BBS7: variants seen among roughly 807,000 people sequenced by gnomAD.
The protein encoded by BBS7 is Bardet-Biedl syndrome 7, also known as BBSome complex member BBS7.
Under a neutral mutation model 90.3 loss-of-function variants are expected in BBS7, and 50 were observed. The observed-to-expected ratio is 0.55, with a 90% CI of 0.44 to 0.70. The LOEUF is 0.70. Among genes scored for constraint, BBS7 ranks in the 30% least tolerant of loss-of-function variants. BBS7 has a pLI of 0.00. For missense variants in BBS7, 729 were observed against 838.9 expected (o/e 0.87, Z 1.62); for synonymous variants, 235 against 287.4 (o/e 0.82, Z 1.85).
intron 8 of BBS7, 82 bp downstream of exon 8, chr4:121,852,874 C>G: frequency 7.3e-7 from 1 of 1,378,110 alleles, no homozygotes; most frequent in Non-Finnish European, 1.0e-6. Flanking sequence ...AATATATTTT[C>G]ACTTAATAAA....
chr4:121,864,049 G>A (rs933915489), intron 2 of BBS7, among the ~76,000 whole-genome samples: 1 of 152,184 alleles, frequency 6.6e-6, no homozygotes, highest in Non-Finnish European at 1.5e-5. Context: ...TCTCATAGAA[G>A]CACAAACCCT....
At chr4:121,829,581 T>C (rs1560639770) in intron 15 of BBS7, among the ~76,000 whole-genome samples, 1 of 152,154 alleles carries the variant, frequency 6.6e-6, no homozygotes, top group Non-Finnish European at 1.5e-5. Flanking sequence ...TTCTTTAGGG[T>C]ACCACTCCTC....
At chr4:121,866,438 T>C (rs1484907030) in intron 2 of BBS7, among the ~76,000 whole-genome samples, 4 of 152,136 alleles carry the variant, frequency 2.6e-5, no homozygotes, top group Admixed American at 2.6e-4. Flanking sequence ...AATTTTTTTG[T>C]ATTTCTAGTA....
chr4:121,861,646 C>T lies in BBS7; in HGVS notation c.199G>A (p.Ala67Thr). ...ATAACCCCTCCCAGTTCCAGCCTTGCAATCTTCGGCCCGGGTAAAGTCTTG... is the reference window on the plus strand; with the variant it reads ...ATAACCCCTCCCAGTTCCAGCCTTGTAATCTTCGGCCCGGGTAAAGTCTTG... ...VFKTLPGPKI[A>T]RLELGGVINT... The change falls in exon 4 of 19, where the codon GCA becomes ACA. Residue 67 changes from alanine to threonine, a missense_variant. Physicochemically the swap from Ala to Thr is moderately conservative, Grantham distance 58. Coordinates refer to ENST00000264499, the MANE Select transcript of BBS7 (RefSeq NM_176824.3). 1.2e-6 allele frequency: 2 copies of T among 1,613,488 alleles called. No homozygotes were observed. Among genetic ancestry groups the T allele is most frequent in the African/African-American group, 1.3e-5 (1 of 74,934 alleles).
chr4:121,840,612 T>G (rs575677072), intron 12 of BBS7, among the ~76,000 whole-genome samples: 6 of 152,244 alleles, frequency 3.9e-5, no homozygotes, highest in African/African-American at 1.4e-4. Context: ...AAATTGAATA[T>G]TAAACTACTA....
At chr4:121,835,957 C>T (rs1189768446) in intron 13 of BBS7, among the ~76,000 whole-genome samples, 1 of 152,166 alleles carries the variant, frequency 6.6e-6, no homozygotes, top group Non-Finnish European at 1.5e-5. Flanking sequence ...TTCCATACGT[C>T]TCTCTACGTA....
At chr4:121,826,712 G>A (rs964212314) in intron 18 of BBS7, among the ~76,000 whole-genome samples, 2 of 152,240 alleles carry the variant, frequency 1.3e-5, no homozygotes, top group South Asian at 2.1e-4. Flanking sequence ...GGCTGGGCAC[G>A]GTGGCTCATG....
At chr4:121,829,075 T>C (rs1486443849) in intron 15 of BBS7, among the ~76,000 whole-genome samples, 1 of 152,184 alleles carries the variant, frequency 6.6e-6, no homozygotes, top group Non-Finnish European at 1.5e-5. Context: ...ATTGCTTACT[T>C]ACATAAGTAT....
rs144525608 is a variant in BBS7 at position 121,861,674 on chromosome 4, C to T, written c.171G>A (p.Val57=). The change falls in exon 4 of 19, where the codon GTG becomes GTA. Residue 57 remains valine (V), a synonymous_variant. Transcript: ENST00000264499. ...FGMKKGEAAA[V]FKTLPGPKIA... is the part of the protein sequence containing the mutation. ...TCTTCGGCCCGGGTAAAGTCTTGAA[C>T]ACTGCCTGAAAAAAATCATTCAGGA... 867 of 1,613,264 alleles carry T rather than the reference C, an allele frequency of 5.4e-4. 3 individuals carry two copies. Among genetic ancestry groups the T allele is most frequent in the Admixed American group, 4.8e-4 (29 of 59,954 alleles).
At chr4:121,858,274 A>G (rs768297965) in intron 5 of BBS7, among the ~76,000 whole-genome samples, 10 of 152,086 alleles carry the variant, frequency 6.6e-5, no homozygotes, top group Admixed American at 3.3e-4. Context: ...CAACTTTTTC[A>G]TCAACTGCAC....
At chr4:121,863,419 A>T (rs1727091854) in intron 2 of BBS7, 140 bp from the exon 3 acceptor site, 1 of 669,874 alleles carries the variant, frequency 1.5e-6, no homozygotes. Context: ...ACCCCCACAA[A>T]AAATAATCCT....
At chr4:121,858,708 G>C (rs567742011) in intron 5 of BBS7, 1 of 305,502 alleles carries the variant, frequency 3.3e-6, no homozygotes, top group Non-Finnish European at 6.1e-6. Flanking sequence ...GGCAGGTAAA[G>C]GTTCTCTGTA....
chr4:121,825,503 A>G lies in BBS7; in HGVS notation c.*357T>C, dbSNP rs572558423. 5.9e-6 allele frequency: 1 copy of G among 169,316 alleles called. No individual in the cohort carries two copies. The highest frequency in any genetic ancestry group is 1.7e-4 in the East Asian group (1 of 5,964). 10.5% of individuals were successfully genotyped at this position (169,316 alleles called of 1,614,324 possible). A position where few individuals can be genotyped will look rare whatever the true frequency, so the allele number is the denominator to read the frequency against. ...TATAAAAATACATTTTGAAGCCTAT[A>G]AAGCGGTCTACATGTTTATGTGTTT... On this transcript the variant is annotated 3_prime_UTR_variant, in exon 19 of 19. Transcript: ENST00000264499.
intron 12 of BBS7, 141 bp downstream of exon 12, chr4:121,843,786 C>A: frequency 1.5e-6 from 1 of 656,242 alleles, no homozygotes; most frequent in Non-Finnish European, 2.7e-6. Context: ...GGAAAGAGAA[C>A]CGACACAGAT....
chr4:121,848,975 A>G (rs368403718), intron 8 of BBS7, 47 bp from the exon 9 acceptor site: 286 of 1,396,568 alleles, frequency 2.0e-4, no homozygotes, highest in Admixed American at 6.0e-4. Context: ...TAAAAAATCC[A>G]CAGATATATT....
intron 15 of BBS7, among the ~76,000 whole-genome samples, chr4:121,831,630 GGTTCATTGT>G (rs1368582212): frequency 3.9e-5 from 6 of 152,094 alleles, no homozygotes; most frequent in Admixed American, 2.0e-4. Flanking sequence ...TAATGTGTGA[GGTTCATTGT>G]GGTACTTCAA....
chr4:121,840,525 C>T (rs1489816681), intron 12 of BBS7, among the ~76,000 whole-genome samples: 1 of 152,172 alleles, frequency 6.6e-6, no homozygotes, highest in African/African-American at 2.4e-5. Flanking sequence ...TGGCACAGTG[C>T]CTGGCATACT....
Position 121,826,011 on chromosome 4 carries a change from A to G in BBS7, c.2015-18T>C. ...GATCATGCCTTTAAAGAAAAAACAT[A>G]AATTTCCTGTCAGTGATTAGTTATA... is the stretch of plus-strand genomic sequence containing the variant. On this transcript the variant is annotated intron_variant, in intron 18 of 18. Coordinates refer to ENST00000264499, the MANE Select transcript of BBS7 (RefSeq NM_176824.3). 1 of 1,571,040 alleles carries G rather than the reference A, an allele frequency of 6.4e-7. No individual in the cohort carries two copies. The highest frequency in any genetic ancestry group is 1.1e-5 in the South Asian group (1 of 89,936).
intron 7 of BBS7, among the ~76,000 whole-genome samples, chr4:121,853,980 T>C (rs1726460958): frequency 6.6e-6 from 1 of 152,190 alleles, no homozygotes; most frequent in African/African-American, 2.4e-5. Context: ...TACTTTTTCC[T>C]CTTCCTGAAA....
Sources: allele counts gnomAD v4.1 joint callset (sites outside exome capture counted in the v4.1 genomes callset), GRCh38; gene constraint gnomAD v4.1.1; transcripts MANE v1.5; gene names NCBI Gene and HGNC (gene_info 2026-07-23, HGNC 2026-07-21).